Variants in RFX3 observed in about 807,000 individuals in gnomAD.
The protein encoded by RFX3 is transcription factor RFX3.
In RFX3, 14 loss-of-function variants were observed where a neutral mutation model predicts 98.6. That is an observed-to-expected ratio of 0.14 (90% CI 0.09 to 0.22). The LOEUF (loss-of-function observed/expected upper bound fraction) is 0.22, where lower values mean the gene tolerates loss of function less well. RFX3 is among the 10% of genes least tolerant of loss of function. RFX3 has a pLI of 1.00. For missense variants in RFX3, 639 were observed against 926.9 expected, an observed-to-expected ratio of 0.69 and a Z score of 4.03; for synonymous variants, 383 against 328.4, an observed-to-expected ratio of 1.17 and a Z score of -1.80.
intron 1 of RFX3, among the ~76,000 whole-genome samples, chr9:3,470,072 C>A (rs1438659163): frequency 6.6e-6 from 1 of 152,086 alleles, no homozygotes; most frequent in African/African-American, 2.4e-5. Context: ...TCAAACACAT[C>A]TCAGATCCAA....
intron 1 of RFX3, among the ~76,000 whole-genome samples, chr9:3,479,176 G>A (rs1587814919): frequency 6.6e-6 from 1 of 152,098 alleles, no homozygotes; most frequent in Non-Finnish European, 1.5e-5. Context: ...AGATTCACTA[G>A]TTTTCTCTTG....
intron 15 of RFX3, among the ~76,000 whole-genome samples, chr9:3,244,180 AT>A (rs921266081): frequency 3.3e-5 from 5 of 151,188 alleles, no homozygotes; most frequent in Admixed American, 1.3e-4. Flanking sequence ...TTTTTTTTGT[AT>A]TTTTAGTAGA....
intron 1 of RFX3, among the ~76,000 whole-genome samples, chr9:3,456,290 A>G (rs117758382): frequency 0.021 from 3,123 of 152,336 alleles, 43 homozygotes; most frequent in Non-Finnish European, 0.031. Flanking sequence ...AGGTCTCTTC[A>G]TATGAATTTC....
rs557578066 is a variant in RFX3 at position 3,490,051 on chromosome 9, A to G, written c.-9+35696T>C. Among the ~76,000 whole-genome samples the G allele has an allele frequency of 2.6e-5, 4 of 152,320 alleles. No individual in the cohort carries two copies. In the South Asian group the frequency reaches 8.3e-4, roughly 32 times the overall value. ...AAATATAAACTGAAAACACATAACT[A>G]TGTAAATAATACTGTTTTCTTGAAA... On this transcript the variant is annotated intron_variant, in intron 1 of 16. Transcript: ENST00000617270.
In RFX3 at chr9:3,409,813, G is replaced by A. The variant is rs575825131; in HGVS notation, c.-8-14217C>T. Among the ~76,000 whole-genome samples, 291 of 152,168 alleles carry A rather than the reference G, an allele frequency of 1.9e-3. 2 individuals carry two copies. Among genetic ancestry groups the A allele is most frequent in the Middle Eastern group, 3.4e-3 (1 of 294 alleles). ...AATCACAGCCCTTTAAAGCTTAAAA[G>A]TATTCAGATCATCCAGTGCAGGCTC... On this transcript the variant is annotated intron_variant, in intron 1 of 16. Transcript: ENST00000617270.
chr9:3,320,785 A>ATG (rs1288318252), intron 4 of RFX3, among the ~76,000 whole-genome samples: 1 of 123,082 alleles, frequency 8.1e-6, no homozygotes, highest in East Asian at 2.1e-4. Flanking sequence ...ATATATATAT[A>ATG]TATATATATA....
At chr9:3,363,133 G>A (rs187339155) in intron 2 of RFX3, among the ~76,000 whole-genome samples, 1 of 152,224 alleles carries the variant, frequency 6.6e-6, no homozygotes, top group Non-Finnish European at 1.5e-5. Flanking sequence ...AATTTATTGG[G>A]AAAAGCATTT....
At chr9:3,498,386 T>C (rs750296614) in intron 1 of RFX3, among the ~76,000 whole-genome samples, 1 of 152,046 alleles carries the variant, frequency 6.6e-6, no homozygotes, top group Non-Finnish European at 1.5e-5. Flanking sequence ...ATCATAATCA[T>C]CAGTTTTATA....
intron 1 of RFX3, among the ~76,000 whole-genome samples, chr9:3,402,616 T>C (rs1405866432): frequency 6.6e-6 from 1 of 151,922 alleles, no homozygotes; most frequent in Non-Finnish European, 1.5e-5. Context: ...TTTTAAAACA[T>C]AGAACCAAAA....
At chr9:3,365,065 G>C (rs936927167) in intron 2 of RFX3, among the ~76,000 whole-genome samples, 10 of 152,126 alleles carry the variant, frequency 6.6e-5, no homozygotes, top group Non-Finnish European at 1.2e-4. Context: ...ACTTCGGGAG[G>C]CCGGGACAGG....
chr9:3,416,870 A>T (rs775359416), intron 1 of RFX3, among the ~76,000 whole-genome samples: 25 of 152,152 alleles, frequency 1.6e-4, no homozygotes, highest in Non-Finnish European at 3.1e-4. Context: ...GCAACACAGT[A>T]GATTTAAATC....
chr9:3,520,548 A>C (rs374154492), intron 1 of RFX3, among the ~76,000 whole-genome samples: 2 of 152,236 alleles, frequency 1.3e-5, no homozygotes, highest in Non-Finnish European at 2.9e-5. Context: ...AAGCAATATA[A>C]GATCACTCCC....
intron 2 of RFX3, among the ~76,000 whole-genome samples, chr9:3,376,932 A>T (rs1587401258): frequency 6.6e-6 from 1 of 152,200 alleles, no homozygotes; most frequent in African/African-American, 2.4e-5. Flanking sequence ...ATCATTAAAA[A>T]GTCAGGAAAC....
At chr9:3,469,648 A>G (rs541625204) in intron 1 of RFX3, among the ~76,000 whole-genome samples, 109 of 152,270 alleles carry the variant, frequency 7.2e-4, no homozygotes, top group African/African-American at 2.5e-3. Context: ...ACAATTTCAC[A>G]TTAAAATACT....
Position 3,223,279 on chromosome 9 carries a change from C to T in RFX3, c.*1763G>A, listed in dbSNP as rs909417576. Reference sequence around the variant, plus strand: ...AAATAATTTGAGTGCTTAAAAGAACCTTGGCTTTTCATGCAAATTAAAATG... The same window carrying T: ...AAATAATTTGAGTGCTTAAAAGAACTTTGGCTTTTCATGCAAATTAAAATG... On this transcript the variant is annotated 3_prime_UTR_variant, in exon 17 of 17. Transcript: ENST00000617270. The T allele has an allele frequency of 6.6e-6, 1 of 152,040 alleles. No individual in the cohort carries two copies. 9.4% of individuals were successfully genotyped at this position (152,040 alleles called of 1,614,324 possible).
chr9:3,346,163 C>G (rs887834329), intron 3 of RFX3, among the ~76,000 whole-genome samples: 14 of 152,080 alleles, frequency 9.2e-5, no homozygotes, highest in African/African-American at 3.4e-4. Flanking sequence ...AAGAGATAAG[C>G]TGGTTTCGGG....
chr9:3,466,468 T>A (rs553884674), intron 1 of RFX3, among the ~76,000 whole-genome samples: 1 of 152,230 alleles, frequency 6.6e-6, no homozygotes, highest in South Asian at 2.1e-4. Flanking sequence ...ACGGGCTGAA[T>A]TAAAAGATGA....
In RFX3 at chr9:3,301,579, C is replaced by T; in HGVS notation, c.516G>A (p.Leu172=). ...AIETLQKSDG[L]STHRSSLLNS... ...TGAGAAGAGAGCTTCTGTGAGTGGA[C>T]AGACCGTCAGACTTTTGCAGCGTCT... Residue 172 remains leucine, a synonymous_variant, in exon 5 of 17, where the codon CTG becomes CTA. Transcript: ENST00000617270. 2 of 1,601,716 alleles carry T rather than the reference C, an allele frequency of 1.2e-6. No homozygotes were observed. Among genetic ancestry groups the T allele is most frequent in the Non-Finnish European group, 1.7e-6 (2 of 1,171,432 alleles).
intron 2 of RFX3, among the ~76,000 whole-genome samples, chr9:3,390,644 G>T (rs1002528865): frequency 6.6e-6 from 1 of 152,126 alleles, no homozygotes; most frequent in Non-Finnish European, 1.5e-5. Context: ...TTTCTGTGCT[G>T]GTCTCGTGAT....
Sources: allele counts gnomAD v4.1 joint callset (sites outside exome capture counted in the v4.1 genomes callset), GRCh38; gene constraint gnomAD v4.1.1; transcripts MANE v1.5; gene names NCBI Gene and HGNC (gene_info 2026-07-23, HGNC 2026-07-21).